Variants in PKP4 observed in about 807,000 individuals in gnomAD.
The protein encoded by PKP4 is plakophilin-4.
Under a neutral mutation model 145.1 loss-of-function variants are expected in PKP4, and 90 were observed. That is an observed-to-expected ratio of 0.62 (90% confidence interval 0.52 to 0.74). PKP4 has a LOEUF of 0.74. Among genes scored for constraint, PKP4 ranks in the 30% least tolerant of loss-of-function variants. The probability of loss-of-function intolerance (pLI) is 0.00; values close to 1 mark genes in which losing one functional copy is unlikely to be tolerated. For missense variants in PKP4, 1,340 were observed against 1,482.7 expected (o/e 0.90, Z 1.58); for synonymous variants, 563 against 577.2 (o/e 0.98, Z 0.35).
intron 7 of PKP4, among the ~76,000 whole-genome samples, chr2:158,631,176 G>A (rs1033746951): frequency 2.0e-5 from 3 of 151,976 alleles, no homozygotes; most frequent in Non-Finnish European, 4.4e-5. Context: ...TCCTGACCTC[G>A]TGATCCACCC....
chr2:158,470,814 C>G (rs1216972808), intron 1 of PKP4, among the ~76,000 whole-genome samples: 3 of 152,112 alleles, frequency 2.0e-5, no homozygotes, highest in Non-Finnish European at 4.4e-5. Flanking sequence ...CTACATGGAC[C>G]TCCCCTGATG....
intron 19 of PKP4, among the ~76,000 whole-genome samples, chr2:158,674,500 C>T (rs1468896348): frequency 6.6e-6 from 1 of 152,192 alleles, no homozygotes; most frequent in Non-Finnish European, 1.5e-5. Context: ...GGAGAGCTGC[C>T]TGCTTTCCAG....
intron 7 of PKP4, among the ~76,000 whole-genome samples, chr2:158,630,180 A>G (rs1054108249): frequency 6.6e-6 from 1 of 152,226 alleles, no homozygotes; most frequent in Non-Finnish European, 1.5e-5. Context: ...GACAGATTTT[A>G]CTTACCAATA....
At chr2:158,599,509 T>A (rs1327795482) in intron 3 of PKP4, among the ~76,000 whole-genome samples, 1 of 152,204 alleles carries the variant, frequency 6.6e-6, no homozygotes, top group Non-Finnish European at 1.5e-5. Context: ...ATAATTTCAA[T>A]ACGTTGAATC....
intron 11 of PKP4, among the ~76,000 whole-genome samples, chr2:158,649,466 C>T (rs564244282): frequency 6.6e-6 from 1 of 152,318 alleles, no homozygotes; most frequent in East Asian, 1.9e-4. Context: ...AGAAATATCC[C>T]TGAATTTCAC....
At chr2:158,534,387 T>TA (rs2105634051) in intron 2 of PKP4, among the ~76,000 whole-genome samples, 1 of 152,340 alleles carries the variant, frequency 6.6e-6, no homozygotes, top group East Asian at 1.9e-4. Context: ...CATTTTTTTT[T>TA]ATTCCTCAAT....
intron 1 of PKP4, among the ~76,000 whole-genome samples, chr2:158,469,991 A>G (rs1250389740): frequency 1.3e-5 from 2 of 151,884 alleles, no homozygotes; most frequent in East Asian, 1.9e-4. Flanking sequence ...GCTCTGCCCA[A>G]CTCCAGATTT....
At chr2:158,557,330 A>G (rs147335741) in intron 2 of PKP4, among the ~76,000 whole-genome samples, 2 of 152,270 alleles carry the variant, frequency 1.3e-5, no homozygotes, top group African/African-American at 4.8e-5. Flanking sequence ...CACAGGAGGA[A>G]ATGTAAGGGA....
chr2:158,457,919 C>T (rs1689096661), intron 1 of PKP4: 1 of 152,724 alleles, frequency 6.5e-6, no homozygotes, highest in African/African-American at 2.4e-5. Context: ...CTCTCCCTGC[C>T]AGGAGTTGAA....
At chr2:158,661,590 T>A in intron 13 of PKP4, 140 bp downstream of exon 13, 1 of 617,734 alleles carries the variant, frequency 1.6e-6, no homozygotes, top group Non-Finnish European at 3.0e-6. Flanking sequence ...AAAGGGCAAG[T>A]CTCCAAAGTT....
At chr2:158,677,169 G>A (rs920239397) in intron 20 of PKP4, 24 of 383,512 alleles carry the variant, frequency 6.3e-5, no homozygotes, top group East Asian at 1.9e-4. Flanking sequence ...CCTTTGCTCC[G>A]TCCCCTCCTG....
intron 15 of PKP4, among the ~76,000 whole-genome samples, chr2:158,665,313 C>T (rs957183611): frequency 2.6e-5 from 4 of 152,144 alleles, no homozygotes; most frequent in African/African-American, 9.7e-5. Context: ...CAGTCATGTA[C>T]TTCATTTTCC....
chr2:158,662,066 G>A (rs1223468944), intron 13 of PKP4, among the ~76,000 whole-genome samples: 1 of 152,168 alleles, frequency 6.6e-6, no homozygotes, highest in Non-Finnish European at 1.5e-5. Flanking sequence ...AGGAAAGAGG[G>A]ACTGAAAGTG....
At chr2:158,587,362 ATAT>A (rs1486027213) in intron 3 of PKP4, among the ~76,000 whole-genome samples, 2 of 152,080 alleles carry the variant, frequency 1.3e-5, no homozygotes, top group Non-Finnish European at 2.9e-5. Context: ...TTCTGTAATT[ATAT>A]TATTAAATTA....
At chr2:158,628,980 G>A (rs754363414) in intron 7 of PKP4, among the ~76,000 whole-genome samples, 1 of 152,068 alleles carries the variant, frequency 6.6e-6, no homozygotes, top group Middle Eastern at 3.2e-3. Context: ...TAAGATTATC[G>A]AGGACTAGGT....
intron 2 of PKP4, among the ~76,000 whole-genome samples, chr2:158,568,937 C>T (rs1233614189): frequency 6.6e-6 from 1 of 152,200 alleles, no homozygotes; most frequent in Non-Finnish European, 1.5e-5. Context: ...CATGCCACTA[C>T]ACTCCAGCCT....
intron 2 of PKP4, among the ~76,000 whole-genome samples, chr2:158,537,202 GA>G (rs1286963451): frequency 6.6e-6 from 1 of 152,154 alleles, no homozygotes; most frequent in East Asian, 1.9e-4. Flanking sequence ...ACCTTCTTAA[GA>G]CAATTTGAAT....
chr2:158,529,868 C>G (rs974428879), intron 1 of PKP4, among the ~76,000 whole-genome samples: 1 of 152,120 alleles, frequency 6.6e-6, no homozygotes, highest in Admixed American at 6.6e-5. Context: ...CTGCCAAATT[C>G]CATATTCTTA....
At chr2:158,631,603 C>A in intron 7 of PKP4, 150 bp from the exon 8 acceptor site, 1 of 700,580 alleles carries the variant, frequency 1.4e-6, no homozygotes, top group Non-Finnish European at 2.5e-6. Context: ...TGTTCCCAGA[C>A]TGGTCTCAAA....
Sources: allele counts gnomAD v4.1 joint callset (sites outside exome capture counted in the v4.1 genomes callset), GRCh38; gene constraint gnomAD v4.1.1; transcripts MANE v1.5; gene names NCBI Gene and HGNC (gene_info 2026-07-23, HGNC 2026-07-21).